The following SENP2 variants were observed in gnomAD, a reference collection of about 807,000 sequenced individuals.
SENP2 encodes SUMO specific peptidase 2, also known as sentrin-specific protease 2.
In SENP2, 16 loss-of-function variants were observed where a neutral mutation model predicts 86.3. The observed-to-expected ratio is 0.19, with a 90% CI of 0.13 to 0.28. SENP2 has a LOEUF of 0.28. Among genes scored for constraint, SENP2 ranks in the 10% least tolerant of loss-of-function variants. The pLI, the probability that SENP2 is intolerant of heterozygous loss-of-function variation, is 1.00. For missense variants in SENP2, 552 were observed against 703.0 expected (o/e 0.79, Z 2.43); for synonymous variants, 222 against 238.7 (o/e 0.93, Z 0.64).
intron 13 of SENP2, 99 bp downstream of exon 13, chr3:185,619,601 G>GTA: frequency 1.2e-6 from 1 of 841,302 alleles, no homozygotes; most frequent in East Asian, 2.6e-5. Context: ...GAGGCCAATA[G>GTA]TATATATTAT....
At chr3:185,592,244 A>G (rs927713576) in intron 2 of SENP2, among the ~76,000 whole-genome samples, 1 of 151,132 alleles carries the variant, frequency 6.6e-6, no homozygotes, top group African/African-American at 2.4e-5. Flanking sequence ...ACACCTGGCA[A>G]ATTATTTTGT....
intron 4 of SENP2, 122 bp downstream of exon 4, chr3:185,599,146 C>T (rs1224464899): frequency 1.4e-6 from 1 of 693,842 alleles, no homozygotes; most frequent in Non-Finnish European, 2.5e-6. Context: ...ATTCTTTCTA[C>T]CGTTCTAAAA....
intron 14 of SENP2, among the ~76,000 whole-genome samples, chr3:185,623,524 G>A (rs937078655): frequency 6.6e-6 from 1 of 152,034 alleles, no homozygotes. Flanking sequence ...AAACAAGCAT[G>A]TACAATTTTT....
At chr3:185,629,442 C>G (rs6799206) in intron 16 of SENP2, among the ~76,000 whole-genome samples, 56,072 of 151,862 alleles carry the variant, frequency 0.37, 10,631 homozygotes, top group South Asian at 0.52. Context: ...GCCGGGTGTG[C>G]TGGCACATAC....
chr3:185,629,023 G>A (rs1485760233), intron 16 of SENP2, among the ~76,000 whole-genome samples: 3 of 152,184 alleles, frequency 2.0e-5, no homozygotes, highest in Non-Finnish European at 2.9e-5. Context: ...AAAGGGAGAA[G>A]TTGCTGTTTG....
chr3:185,626,650 A>G lies in SENP2; in HGVS notation c.1707+257A>G, dbSNP rs374080521. On this transcript the variant is annotated intron_variant, in intron 16 of 16. Transcript: ENST00000296257. Reference sequence around the variant, plus strand: ...TAGCCAGGCGTGGTGGTGCATGCCTATAATCCCAGCTACTCAGGAGACTGA... The same window carrying G: ...TAGCCAGGCGTGGTGGTGCATGCCTGTAATCCCAGCTACTCAGGAGACTGA... 3.8e-4 allele frequency among the ~76,000 whole-genome samples: 58 copies of G among 151,664 alleles called. No homozygotes were observed. In the East Asian group the frequency reaches 0.01, roughly 27 times the overall value.
chr3:185,607,206 T>C (rs751763312), intron 6 of SENP2, among the ~76,000 whole-genome samples: 19 of 151,992 alleles, frequency 1.3e-4, no homozygotes, highest in Non-Finnish European at 2.5e-4. Context: ...GATACCTATA[T>C]GTATTCTTCT....
In SENP2 at chr3:185,621,836, T is replaced by G. The variant is rs369071463; in HGVS notation, c.1457T>G (p.Leu486Arg). 3.7e-6 allele frequency: 6 copies of G among 1,602,624 alleles called. No individual in the cohort carries two copies. The highest frequency in any genetic ancestry group is 5.1e-6 in the Non-Finnish European group (6 of 1,170,534). Residue 486 changes from leucine (L) to arginine (R), a missense_variant, in exon 14 of 17, where the codon CTA (leucine) becomes CGA (arginine). Leu to Arg is a moderately radical substitution (Grantham distance 102). Around this residue, in one of 2 missense-constraint regions of SENP2, gnomAD observed 169 missense variants for 275.7 expected, o/e 0.61. Transcript: ENST00000296257. Reference sequence around the variant, plus strand: ...CTTTTTCCATTATAGGTGATTGACCTAAGAAAAAAGTGTCTTAAATATCTG... The same window carrying G: ...CTTTTTCCATTATAGGTGATTGACCGAAGAAAAAAGTGTCTTAAATATCTG... The part of the protein sequence containing the change: ...KVHWSLVVID[L>R]RKKCLKYLDS...
At chr3:185,621,985 G>A (rs1342216740) in intron 14 of SENP2, 80 bp downstream of exon 14, 2 of 843,810 alleles carry the variant, frequency 2.4e-6, no homozygotes, top group African/African-American at 1.7e-5. Context: ...TGTGTGGATG[G>A]TAGTCTAATG....
chr3:185,598,568 TA>T (rs1722249842), intron 3 of SENP2, 23 bp downstream of exon 3: 1 of 1,607,174 alleles, frequency 6.2e-7, no homozygotes, highest in African/African-American at 1.3e-5. Flanking sequence ...GAGACTCCAT[TA>T]GGAATACTGA....
rs754753036 is a variant in SENP2 at position 185,633,071 on chromosome 3, C to T, written c.*3227C>T. On this transcript the variant is annotated 3_prime_UTR_variant, in exon 17 of 17. Transcript: ENST00000296257. The stretch of plus-strand genomic sequence containing the variant: ...CCTCAGTTACCGAAGGCTATTAGAA[C>T]CTCTGAATTTTTCCTCCTCTGAAAT... 6.6e-6 allele frequency: 1 copy of T among 152,180 alleles called. No homozygotes were observed. The highest frequency in any genetic ancestry group is 1.5e-5 in the Non-Finnish European group (1 of 68,042). The allele number at this position is 152,180 out of a possible 1,614,324, so 9.4% of individuals were successfully genotyped here.
At position 185,632,213 on chromosome 3, in the gene SENP2, G is replaced by GTTTTTTTTT. The variant is rs369236428; in HGVS notation, c.*2371_*2379dup. 7 of 125,324 alleles carry GTTTTTTTTT rather than the reference G, an allele frequency of 5.6e-5. No homozygotes were observed. Among genetic ancestry groups the GTTTTTTTTT allele is most frequent in the Admixed American group, 8.4e-5 (1 of 11,902 alleles). The allele number at this position is 125,324 out of a possible 1,614,324, so 7.8% of individuals were successfully genotyped here. On this transcript the variant is annotated 3_prime_UTR_variant, in exon 17 of 17. Coordinates refer to ENST00000296257, the MANE Select transcript of SENP2 (RefSeq NM_021627.3). ...CAAATTATCACCATTAAAGCCAGTG[G>GTTTTTTTTT]TTTTTTTTTTGTTTTTTTTTTTTGT...
chr3:185,611,290 T>C (rs1330851110), intron 7 of SENP2, among the ~76,000 whole-genome samples: 1 of 152,222 alleles, frequency 6.6e-6, no homozygotes, highest in African/African-American at 2.4e-5. Context: ...AAACAAAAAG[T>C]TCTTGCTTTT....
At chr3:185,589,489 G>A (rs912151074) in intron 1 of SENP2, among the ~76,000 whole-genome samples, 3 of 152,048 alleles carry the variant, frequency 2.0e-5, no homozygotes, top group Non-Finnish European at 4.4e-5. Flanking sequence ...ACTCTTACCT[G>A]GGTTCATTTA....
intron 10 of SENP2, 56 bp from the exon 11 acceptor site, chr3:185,614,508 G>T: frequency 6.8e-7 from 1 of 1,477,574 alleles, no homozygotes; most frequent in Non-Finnish European, 9.2e-7. Context: ...TGTAATCTGT[G>T]TTTATATTTG....
intron 9 of SENP2, 148 bp downstream of exon 9, chr3:185,612,806 C>A: frequency 1.7e-6 from 1 of 584,432 alleles, no homozygotes; most frequent in South Asian, 2.8e-5. Flanking sequence ...AGGTAGCTAG[C>A]TGTTGTGTCA....
At chr3:185,588,050 ATTT>A (rs1196425963) in intron 1 of SENP2, among the ~76,000 whole-genome samples, 4 of 64,788 alleles carry the variant, frequency 6.2e-5, no homozygotes, top group Non-Finnish European at 1.1e-4. Context: ...CTACCGGCTA[ATTT>A]TTTTTTTTTT....
At chr3:185,606,309 C>CTT in intron 5 of SENP2, 21 bp from the exon 6 acceptor site, 8 of 1,541,808 alleles carry the variant, frequency 5.2e-6, no homozygotes, top group South Asian at 1.2e-5. Context: ...TACTTTTTTT[C>CTT]TTTTTTTTTC....
chr3:185,589,850 G>A (rs968596095), intron 1 of SENP2, among the ~76,000 whole-genome samples: 1 of 151,888 alleles, frequency 6.6e-6, no homozygotes, highest in East Asian at 1.9e-4. Flanking sequence ...TTTTTTTATC[G>A]TAGAGATGAG....
Sources: gnomAD v4.1 joint callset for allele counts (sites outside exome capture counted in the v4.1 genomes callset) on GRCh38, gnomAD v4.1.1 for gene constraint, gnomAD v4.1.1 regional missense constraint, MANE v1.5 for transcripts, NCBI Gene and HGNC (gene_info 2026-07-23, HGNC 2026-07-21) for gene names.